The following SPATA6 variants were observed in gnomAD, a reference collection of about 807,000 sequenced individuals.
The protein encoded by SPATA6 is spermatogenesis associated 6.
In SPATA6, 56 loss-of-function variants were observed where a neutral mutation model predicts 65.3. The ratio of observed to expected loss-of-function variants is 0.86; its 90% confidence interval spans 0.69 to 1.07. SPATA6 has a LOEUF of 1.07. SPATA6 is among the 50% of genes least tolerant of loss of function. The pLI is 0.00. For synonymous variants in SPATA6, 199 were observed against 213.2 expected, an observed-to-expected ratio of 0.93 and a Z score of 0.58; for missense variants, 590 against 594.8, an observed-to-expected ratio of 0.99 and a Z score of 0.08.
At chr1:48,437,144 T>C (rs933197985) in intron 3 of SPATA6, 2 of 1,602,342 alleles carry the variant, frequency 1.2e-6, no homozygotes, top group African/African-American at 2.7e-5. Context: ...AAGCCATCAA[T>C]ACCATTGCCT....
chr1:48,451,105 T>G (rs1656527538), intron 3 of SPATA6, among the ~76,000 whole-genome samples: 2 of 152,246 alleles, frequency 1.3e-5, no homozygotes, highest in Admixed American at 1.3e-4. Flanking sequence ...AATTTATTAA[T>G]GTAATGAATG....
chr1:48,350,331 A>T, intron 11 of SPATA6, among the ~76,000 whole-genome samples: 1 of 150,604 alleles, frequency 6.6e-6, no homozygotes. Context: ...TCTGGATACA[A>T]GTCCTAACTC....
chr1:48,442,208 C>T (rs370061821), intron 3 of SPATA6, among the ~76,000 whole-genome samples: 14 of 152,286 alleles, frequency 9.2e-5, no homozygotes, highest in South Asian at 4.1e-4. Context: ...CAGGGACTGG[C>T]GCCCAGTTAG....
At position 48,354,635 on chromosome 1, in the gene SPATA6, A is replaced by C. The variant is rs1465465346; in HGVS notation, c.1194+1035T>G. 1.3e-5 allele frequency among the ~76,000 whole-genome samples: 2 copies of C among 152,156 alleles called. 1 individual carries two copies. The highest frequency in any genetic ancestry group is 3.8e-4 in the East Asian group (2 of 5,198). ...AAATTGCAAAAACGCTTGAATTGAA[A>C]AACCAAAAAGAAACAGGAATAAAAA... is the stretch of plus-strand genomic sequence containing the variant. On this transcript the variant is annotated intron_variant, in intron 11 of 12. Transcript: ENST00000371847.
intron 3 of SPATA6, among the ~76,000 whole-genome samples, chr1:48,441,965 G>A (rs952342095): frequency 3.9e-5 from 6 of 152,192 alleles, no homozygotes; most frequent in Non-Finnish European, 7.3e-5. Context: ...GCAGGTGTGT[G>A]GCCCTCAACC....
At chr1:48,448,298 C>G (rs1656254267) in intron 3 of SPATA6, among the ~76,000 whole-genome samples, 1 of 150,856 alleles carries the variant, frequency 6.6e-6, no homozygotes, top group African/African-American at 2.4e-5. Flanking sequence ...AAAGGAAGAG[C>G]AAAGCATAGG....
chr1:48,322,639 A>G (rs1015889672), intron 11 of SPATA6, among the ~76,000 whole-genome samples: 3 of 152,238 alleles, frequency 2.0e-5, no homozygotes, highest in African/African-American at 7.2e-5. Context: ...GGCAAACTAC[A>G]GAATAGGAGA....
intron 11 of SPATA6, among the ~76,000 whole-genome samples, chr1:48,314,068 T>G (rs1165694673): frequency 1.3e-5 from 2 of 152,264 alleles, no homozygotes; most frequent in Middle Eastern, 3.4e-3. Context: ...ACAAAGAGAC[T>G]TAGACTCCCA....
intron 9 of SPATA6, among the ~76,000 whole-genome samples, chr1:48,360,929 G>T (rs1354207988): frequency 6.6e-6 from 1 of 152,166 alleles, no homozygotes; most frequent in African/African-American, 2.4e-5. Context: ...TAATCAACTA[G>T]AAGGGTTGGG....
intron 4 of SPATA6, 57 bp downstream of exon 4, chr1:48,413,053 T>C (rs1451961355): frequency 1.0e-5 from 5 of 502,236 alleles, no homozygotes; most frequent in African/African-American, 4.1e-5. Context: ...TAATATATTA[T>C]ATATTACATC....
chr1:48,453,911 C>A (rs1243545129), intron 1 of SPATA6, among the ~76,000 whole-genome samples: 1 of 149,590 alleles, frequency 6.7e-6, no homozygotes, highest in East Asian at 2.0e-4. Flanking sequence ...GTAAGAAACA[C>A]AATTGGTCAT....
chr1:48,457,383 G>A (rs1434958002), intron 1 of SPATA6, among the ~76,000 whole-genome samples: 1 of 151,256 alleles, frequency 6.6e-6, no homozygotes, highest in African/African-American at 2.4e-5. Context: ...AGTGAGACAA[G>A]ATCACACCAC....
At chr1:48,333,755 ACT>A (rs1276546044) in intron 11 of SPATA6, among the ~76,000 whole-genome samples, 1 of 152,160 alleles carries the variant, frequency 6.6e-6, no homozygotes, top group Non-Finnish European at 1.5e-5. Flanking sequence ...GAGCAAACAA[ACT>A]CTAAAGCTAG....
At chr1:48,397,239 G>C (rs1461094977) in intron 7 of SPATA6, among the ~76,000 whole-genome samples, 2 of 151,702 alleles carry the variant, frequency 1.3e-5, no homozygotes, top group African/African-American at 4.8e-5. Flanking sequence ...AATAAGTACA[G>C]AGTTTCCATT....
chr1:48,459,066 G>A (rs1458412001), intron 1 of SPATA6, among the ~76,000 whole-genome samples: 7 of 151,658 alleles, frequency 4.6e-5, no homozygotes, highest in East Asian at 1.9e-4. Flanking sequence ...TTAACTGGGC[G>A]TGGTGGCAGG....
At chr1:48,265,570 A>C in the SPATA6 span, among the ~76,000 whole-genome samples, 1 of 152,194 alleles carries the variant, frequency 6.6e-6, no homozygotes, top group African/African-American at 2.4e-5. Context: ...ACACAACGAA[A>C]ATATTTTAAA....
chr1:48,317,568 C>T (rs1300375767), intron 11 of SPATA6, among the ~76,000 whole-genome samples: 2 of 151,852 alleles, frequency 1.3e-5, no homozygotes, highest in African/African-American at 2.4e-5. Context: ...AGGAGATATA[C>T]CTAATGTTAA....
In SPATA6 at chr1:48,471,951, T is replaced by A; in HGVS notation, c.51+7A>T. Reference sequence around the variant, plus strand: ...GCCCGGGGGTGGGAGGCGCTACCGGTACTCACTGAGCTGATCTCCAGCGCC... The same window carrying A: ...GCCCGGGGGTGGGAGGCGCTACCGGAACTCACTGAGCTGATCTCCAGCGCC... On this transcript the variant is annotated splice_region_variant and intron_variant, in intron 1 of 12. Coordinates refer to ENST00000371847, the MANE Select transcript of SPATA6 (RefSeq NM_019073.4). 6.2e-7 allele frequency: 1 copy of A among 1,609,780 alleles called. No homozygotes were observed. Among genetic ancestry groups the A allele is most frequent in the South Asian group, 1.1e-5 (1 of 90,424 alleles).
At chr1:48,377,525 C>T (rs569286385) in intron 9 of SPATA6, among the ~76,000 whole-genome samples, 2 of 152,264 alleles carry the variant, frequency 1.3e-5, no homozygotes, top group South Asian at 4.1e-4. Flanking sequence ...TTCTCCTCAA[C>T]CAGGTCAAAC....
Sources: gnomAD v4.1 joint callset for allele counts (sites outside exome capture counted in the v4.1 genomes callset) on GRCh38, gnomAD v4.1.1 for gene constraint, MANE v1.5 for transcripts, NCBI Gene and HGNC (gene_info 2026-07-23, HGNC 2026-07-21) for gene names.